The following MEI4 variants were observed in gnomAD, a reference collection of about 807,000 sequenced individuals.
MEI4 encodes meiotic double-stranded break formation protein 4, also known as meiosis-specific protein MEI4.
In MEI4, 27 loss-of-function variants were observed where a neutral mutation model predicts 31.4. That is an observed-to-expected ratio of 0.86 (90% confidence interval 0.63 to 1.19). MEI4 has a LOEUF of 1.19. MEI4 is among the 50% of genes most tolerant of loss of function. The pLI is 0.00. For synonymous variants in MEI4, 122 were observed against 145.4 expected, an observed-to-expected ratio of 0.84 and a Z score of 1.16; for missense variants, 329 against 398.9, an observed-to-expected ratio of 0.82 and a Z score of 1.49.
chr6:77,871,538 A>T (rs1175433745), intron 4 of MEI4, among the ~76,000 whole-genome samples: 1 of 152,034 alleles, frequency 6.6e-6, no homozygotes, highest in Non-Finnish European at 1.5e-5. Context: ...GACACTGGAG[A>T]CTACTAGCAG....
intron 2 of MEI4, among the ~76,000 whole-genome samples, chr6:77,735,976 A>G (rs2127670527): frequency 6.6e-6 from 1 of 152,104 alleles, no homozygotes; most frequent in African/African-American, 2.4e-5. Flanking sequence ...CCACTTGAGG[A>G]GGCAGTCTGC....
At chr6:77,868,926 C>A (rs1428641019) in intron 4 of MEI4, among the ~76,000 whole-genome samples, 2 of 152,042 alleles carry the variant, frequency 1.3e-5, no homozygotes, top group African/African-American at 4.8e-5. Context: ...AAGAACAGCA[C>A]CCATGGTTCA....
Position 77,761,206 on chromosome 6 carries a change from A to G in MEI4, c.309A>G (p.Gly103=), listed in dbSNP as rs114721709. 7.4e-4 allele frequency: 912 copies of G among 1,232,350 alleles called. 3 individuals carry two copies. The African/African-American group carries it at 0.013, about 18-fold the overall frequency. The allele number at this position is 1,232,350 out of a possible 1,614,324, so 76.3% of individuals were successfully genotyped here. ...ESTLTSMEDS[G]CDLSNEQRTE... ...CATTAACTTCGATGGAAGATTCTGG[A>G]TGTGATTTGTCGAATGAGCAGAGAA... The change falls in exon 3 of 5, where the codon GGA becomes GGG. Residue 103 remains glycine (G), a synonymous_variant. Transcript: ENST00000684080.
intron 3 of MEI4, among the ~76,000 whole-genome samples, chr6:77,813,502 CT>C (rs35823691): frequency 0.02 from 2,906 of 146,074 alleles, 93 homozygotes; most frequent in African/African-American, 0.067. Flanking sequence ...TCAGGACATT[CT>C]TTTTTTTTTT....
rs145489556 is a variant in MEI4, at chr6:77,680,248, T to C, written c.-14-10410T>C. Among the ~76,000 whole-genome samples the C allele has an allele frequency of 7.9e-3, 1,200 of 151,168 alleles. 14 individuals are homozygous for C. Among genetic ancestry groups the C allele is most frequent in the African/African-American group, 0.026 (1,084 of 41,190 alleles). Reference sequence around the variant, plus strand: ...GAGCCGAGATCGCACCACCGCACTCTAGCCTGGGCGAGTGAGACTCCATCT... The same window carrying C: ...GAGCCGAGATCGCACCACCGCACTCCAGCCTGGGCGAGTGAGACTCCATCT... On this transcript the variant is annotated intron_variant, in intron 1 of 4. Coordinates refer to ENST00000684080, the MANE Select transcript of MEI4 (RefSeq NM_001322247.2).
At chr6:77,905,475 C>CTTTTTTTTTTTTTTTT (rs70974691) in intron 4 of MEI4, among the ~76,000 whole-genome samples, 1 of 93,344 alleles carries the variant, frequency 1.1e-5, no homozygotes, top group Non-Finnish European at 2.1e-5. Context: ...AAATTTTCAG[C>CTTTTTTTTTTTTTTTT]TTTTTTTTTT....
intron 4 of MEI4, among the ~76,000 whole-genome samples, chr6:77,880,375 C>T (rs1329675821): frequency 4.6e-5 from 7 of 152,036 alleles, no homozygotes; most frequent in African/African-American, 1.7e-4. Context: ...GGACTACAGG[C>T]GCCCACCACC....
intron 1 of MEI4, among the ~76,000 whole-genome samples, chr6:77,662,410 A>G (rs1410047453): frequency 6.6e-6 from 1 of 152,164 alleles, no homozygotes; most frequent in Non-Finnish European, 1.5e-5. Context: ...CAGGTGTGGT[A>G]TCCGGAATAA....
rs950646290 is a variant in MEI4, at chr6:77,804,729, A to G, written c.769-24202A>G. On this transcript the variant is annotated intron_variant, in intron 3 of 4. Transcript: ENST00000684080. ...CTTTCCCAGAAAAATGAAAATATCT[A>G]CGTGATGGAGTTCAGATATCATTAC... Among the ~76,000 whole-genome samples, 5 of 152,302 alleles carry G rather than the reference A, an allele frequency of 3.3e-5. No homozygotes were observed. In the South Asian group the frequency reaches 8.3e-4, roughly 25 times the overall value.
rs564154255 is a variant in MEI4 at position 77,736,304 on chromosome 6, C to T, written c.233-24826C>T. ...TCAGCAAGACTCCGTGGGCGTATTA[C>T]CCTCCGAGCCATGTGCGGGATATAA... On this transcript the variant is annotated intron_variant, in intron 2 of 4. Transcript: ENST00000684080. Among the ~76,000 whole-genome samples the T allele has an allele frequency of 9.5e-4, 145 of 152,156 alleles. 1 individual carries two copies. Among genetic ancestry groups the T allele is most frequent in the African/African-American group, 3.4e-3 (142 of 41,426 alleles).
intron 4 of MEI4, among the ~76,000 whole-genome samples, chr6:77,914,019 G>A (rs1323805292): frequency 7.9e-6 from 1 of 126,752 alleles, no homozygotes; most frequent in East Asian, 2.4e-4. Context: ...GGCCAGCAGA[G>A]TGAAACTGTT....
intron 3 of MEI4, among the ~76,000 whole-genome samples, chr6:77,826,436 T>C (rs1769953169): frequency 6.6e-6 from 1 of 152,174 alleles, no homozygotes; most frequent in Non-Finnish European, 1.5e-5. Flanking sequence ...CTAATCATGA[T>C]ATCTAAAGGA....
At chr6:77,860,870 C>T (rs1234279669) in intron 4 of MEI4, among the ~76,000 whole-genome samples, 1 of 152,110 alleles carries the variant, frequency 6.6e-6, no homozygotes, top group African/African-American at 2.4e-5. Context: ...TTTATCTCTT[C>T]TTCTATTTCT....
chr6:77,680,422 A>G (rs1052144451), intron 1 of MEI4, among the ~76,000 whole-genome samples: 8 of 152,108 alleles, frequency 5.3e-5, no homozygotes, highest in Non-Finnish European at 7.3e-5. Context: ...CTTCTGTGGT[A>G]TGAAAGTAGA....
intron 4 of MEI4, among the ~76,000 whole-genome samples, chr6:77,902,481 T>C (rs1285879374): frequency 6.6e-6 from 1 of 152,162 alleles, no homozygotes; most frequent in Admixed American, 6.6e-5. Flanking sequence ...GTGAATGGAA[T>C]TATTCTCTTG....
intron 4 of MEI4, among the ~76,000 whole-genome samples, chr6:77,884,699 T>C (rs9361307): frequency 0.28 from 42,644 of 152,124 alleles, 6,716 homozygotes; most frequent in South Asian, 0.38. Flanking sequence ...CTCTATTCTT[T>C]TACTTTGGTG....
At chr6:77,845,263 C>CT (rs1770454333) in intron 4 of MEI4, among the ~76,000 whole-genome samples, 2 of 152,148 alleles carry the variant, frequency 1.3e-5, no homozygotes, top group African/African-American at 4.8e-5. Flanking sequence ...TCTGACAGAT[C>CT]ATCTTTTAGT....
intron 4 of MEI4, among the ~76,000 whole-genome samples, chr6:77,873,136 T>A (rs1211069212): frequency 6.6e-6 from 1 of 152,156 alleles, no homozygotes; most frequent in Non-Finnish European, 1.5e-5. Context: ...GATGGCTGGG[T>A]CAAATGGTAT....
At chr6:77,918,190 G>A (rs1170064667) in intron 4 of MEI4, among the ~76,000 whole-genome samples, 2 of 151,994 alleles carry the variant, frequency 1.3e-5, no homozygotes, top group African/African-American at 2.4e-5. Flanking sequence ...ATAGTTTGAA[G>A]TCAGGTAGTA....
Sources: gnomAD v4.1 joint callset for allele counts (sites outside exome capture counted in the v4.1 genomes callset) on GRCh38, gnomAD v4.1.1 for gene constraint, MANE v1.5 for transcripts, NCBI Gene and HGNC (gene_info 2026-07-23, HGNC 2026-07-21) for gene names.